The following SLC24A3 variants were observed in gnomAD, a reference collection of about 807,000 sequenced individuals.
SLC24A3 encodes the protein solute carrier family 24 member 3, also known as sodium/potassium/calcium exchanger 3.
SLC24A3 carries 28 observed loss-of-function variants against 75.8 expected under a neutral mutation model. The ratio of observed to expected loss-of-function variants is 0.37; its 90% confidence interval spans 0.27 to 0.51. SLC24A3 has a LOEUF of 0.51. SLC24A3 is among the 20% of genes least tolerant of loss of function. SLC24A3 has a pLI of 0.94. For synonymous variants in SLC24A3, 372 were observed against 334.1 expected, an observed-to-expected ratio of 1.11 and a Z score of -1.24; for missense variants, 663 against 847.8, an observed-to-expected ratio of 0.78 and a Z score of 2.71.
intron 6 of SLC24A3, among the ~76,000 whole-genome samples, chr20:19,639,776 G>T (rs1028906538): frequency 2.6e-5 from 4 of 152,248 alleles, no homozygotes; most frequent in Non-Finnish European, 2.9e-5. Flanking sequence ...GCCCTGCCCC[G>T]CGGGAAGGCA....
intron 2 of SLC24A3, among the ~76,000 whole-genome samples, chr20:19,503,242 A>G (rs1600256273): frequency 6.6e-6 from 1 of 152,166 alleles, no homozygotes; most frequent in South Asian, 2.1e-4. Flanking sequence ...AGCAAAAGGC[A>G]CTTAGTATGT....
At chr20:19,700,653 G>A (rs914613558) in intron 15 of SLC24A3, among the ~76,000 whole-genome samples, 1 of 152,116 alleles carries the variant, frequency 6.6e-6, no homozygotes, top group Non-Finnish European at 1.5e-5. Context: ...CTTTCTCTAG[G>A]TTACTTTGTA....
intron 3 of SLC24A3, among the ~76,000 whole-genome samples, chr20:19,549,199 G>A (rs2030652237): frequency 6.6e-6 from 1 of 152,224 alleles, no homozygotes; most frequent in African/African-American, 2.4e-5. Flanking sequence ...GGGATGCTGG[G>A]ACATGCTGTC....
At chr20:19,459,637 T>A (rs1414674469) in intron 2 of SLC24A3, among the ~76,000 whole-genome samples, 4 of 152,158 alleles carry the variant, frequency 2.6e-5, no homozygotes, top group Admixed American at 1.3e-4. Context: ...CCAAATACAG[T>A]GTGTGAGCTT....
intron 1 of SLC24A3, among the ~76,000 whole-genome samples, chr20:19,240,259 G>A (rs983347079): frequency 9.9e-5 from 15 of 152,266 alleles, no homozygotes; most frequent in African/African-American, 3.1e-4. Context: ...CTAGAGGCTC[G>A]TGATGTTCTT....
chr20:19,634,781 T>C (rs2031979312), intron 6 of SLC24A3, among the ~76,000 whole-genome samples: 1 of 152,086 alleles, frequency 6.6e-6, no homozygotes, highest in Non-Finnish European at 1.5e-5. Context: ...GGGGACACTT[T>C]TCTGTGTGGT....
chr20:19,635,115 C>T (rs549338442), intron 6 of SLC24A3, among the ~76,000 whole-genome samples: 2 of 152,182 alleles, frequency 1.3e-5, no homozygotes, highest in Admixed American at 6.5e-5. Context: ...ACTGCTGGTT[C>T]TCAGAACAGA....
At chr20:19,266,442 A>G (rs1983168622) in intron 1 of SLC24A3, among the ~76,000 whole-genome samples, 1 of 152,220 alleles carries the variant, frequency 6.6e-6, no homozygotes, top group African/African-American at 2.4e-5. Flanking sequence ...ACTGTACTCT[A>G]GGCATGAATT....
intron 1 of SLC24A3, among the ~76,000 whole-genome samples, chr20:19,226,966 C>A (rs1312487719): frequency 6.6e-6 from 1 of 152,188 alleles, no homozygotes; most frequent in Non-Finnish European, 1.5e-5. Flanking sequence ...TTGACAATCT[C>A]TGCCGGTTTC....
Position 19,280,966 on chromosome 20 carries a change from C to T in SLC24A3, c.150C>T (p.Asp50=), listed in dbSNP as rs1258780380. The change falls in exon 2 of 17, where the codon GAC becomes GAT. Residue 50 remains aspartate (D), a synonymous_variant. Coordinates refer to ENST00000328041, the MANE Select transcript of SLC24A3 (RefSeq NM_020689.4). ...TTGTCTTTGTCTCCCCAGAGCTTGACCTCATGGACCTCGTAGGGGAAGACA... is the reference window on the plus strand; with the variant it reads ...TTGTCTTTGTCTCCCCAGAGCTTGATCTCATGGACCTCGTAGGGGAAGACA... ...LSSLREQKEL[D]LMDLVGEDRK... is the part of the protein sequence containing the mutation. 2 of 1,613,746 alleles carry T rather than the reference C, an allele frequency of 1.2e-6. No individual in the cohort carries two copies. Among genetic ancestry groups the T allele is most frequent in the Non-Finnish European group, 8.5e-7 (1 of 1,179,804 alleles).
At chr20:19,633,645 T>A in intron 6 of SLC24A3, among the ~76,000 whole-genome samples, 1 of 76,854 alleles carries the variant, frequency 1.3e-5, no homozygotes, top group South Asian at 5.5e-4. Flanking sequence ...CGAGACTCCG[T>A]CTCAAAAAAA....
intron 2 of SLC24A3, among the ~76,000 whole-genome samples, chr20:19,446,682 C>T (rs1342421168): frequency 6.6e-6 from 1 of 152,168 alleles, no homozygotes; most frequent in Non-Finnish European, 1.5e-5. Flanking sequence ...AAAACAGAGA[C>T]CTCAGCTTTG....
intron 2 of SLC24A3, among the ~76,000 whole-genome samples, chr20:19,302,174 A>G (rs1448752849): frequency 6.6e-6 from 1 of 152,194 alleles, no homozygotes; most frequent in East Asian, 1.9e-4. Context: ...AAGACTCTCA[A>G]GCTGGTGGAC....
chr20:19,487,420 G>A (rs1408973995), intron 2 of SLC24A3, among the ~76,000 whole-genome samples: 2 of 151,694 alleles, frequency 1.3e-5, no homozygotes, highest in African/African-American at 4.9e-5. Context: ...AAATCTGATT[G>A]CCTTTTCCTG....
intron 1 of SLC24A3, among the ~76,000 whole-genome samples, chr20:19,250,581 A>G (rs1399525577): frequency 6.6e-6 from 1 of 152,196 alleles, no homozygotes; most frequent in Admixed American, 6.5e-5. Flanking sequence ...ATTAAATTCC[A>G]CTGAAAAACT....
intron 6 of SLC24A3, among the ~76,000 whole-genome samples, chr20:19,645,491 C>T (rs749686834): frequency 5.3e-5 from 8 of 152,096 alleles, no homozygotes; most frequent in Non-Finnish European, 2.9e-5. Context: ...TAGTATATGG[C>T]ATCTGACTCT....
At chr20:19,292,268 G>T (rs554720513) in intron 2 of SLC24A3, among the ~76,000 whole-genome samples, 1 of 152,158 alleles carries the variant, frequency 6.6e-6, no homozygotes, top group African/African-American at 2.4e-5. Context: ...GTCCTGAGGG[G>T]TCCTGCAAAC....
At chr20:19,365,247 G>A (rs1985866997) in intron 2 of SLC24A3, among the ~76,000 whole-genome samples, 1 of 152,184 alleles carries the variant, frequency 6.6e-6, no homozygotes, top group African/African-American at 2.4e-5. Context: ...AGGACCAACA[G>A]TGTCAGCTTC....
At chr20:19,298,540 G>A (rs186726241) in intron 2 of SLC24A3, among the ~76,000 whole-genome samples, 1 of 152,166 alleles carries the variant, frequency 6.6e-6, no homozygotes, top group East Asian at 1.9e-4. Context: ...TTATTTAGGA[G>A]TTGATCCCAG....
Sources: allele counts gnomAD v4.1 joint callset (sites outside exome capture counted in the v4.1 genomes callset), GRCh38; gene constraint gnomAD v4.1.1; transcripts MANE v1.5; gene names NCBI Gene and HGNC (gene_info 2026-07-23, HGNC 2026-07-21).